Variants in MAP7 observed in about 807,000 individuals in gnomAD.
MAP7 encodes the protein microtubule associated protein 7, also known as ensconsin.
A neutral mutation model predicts 94.8 loss-of-function variants in MAP7; 52 were observed. The ratio of observed to expected loss-of-function variants is 0.55; its 90% CI spans 0.44 to 0.69. MAP7 has a LOEUF of 0.69. Ranked by LOEUF, MAP7 falls within the 30% of genes least tolerant of loss-of-function variation. MAP7 has a pLI of 0.00. For missense variants in MAP7, 940 were observed against 964.6 expected (o/e 0.97, Z 0.34); for synonymous variants, 350 against 357.0 (o/e 0.98, Z 0.22).
intron 2 of MAP7, among the ~76,000 whole-genome samples, chr6:136,420,757 T>C (rs540919831): frequency 6.0e-4 from 92 of 152,334 alleles, no homozygotes; most frequent in African/African-American, 2.2e-3. Context: ...TACTTGTTAT[T>C]GTCTTTCCTC....
At chr6:136,514,888 C>CA (rs1824362392) in intron 1 of MAP7, among the ~76,000 whole-genome samples, 2 of 152,296 alleles carry the variant, frequency 1.3e-5, no homozygotes, top group South Asian at 2.1e-4. Flanking sequence ...TCAATGATTG[C>CA]AATGACTCAG....
chr6:136,386,012 C>G (rs1779094892), intron 5 of MAP7, among the ~76,000 whole-genome samples: 1 of 152,150 alleles, frequency 6.6e-6, no homozygotes, highest in African/African-American at 2.4e-5. Context: ...CTCAGGTAAT[C>G]CACCCGCCTC....
chr6:136,519,600 T>C (rs1037906376), intron 1 of MAP7, among the ~76,000 whole-genome samples: 2 of 152,190 alleles, frequency 1.3e-5, no homozygotes, highest in Non-Finnish European at 2.9e-5. Context: ...TTATATTTCG[T>C]TTGGAAACCT....
chr6:136,542,708 T>C (rs554613522), intron 1 of MAP7, among the ~76,000 whole-genome samples: 2 of 148,864 alleles, frequency 1.3e-5, no homozygotes, highest in East Asian at 4.0e-4. Context: ...CAAGCAATGG[T>C]GTGTTAAAAT....
intron 6 of MAP7, 84 bp downstream of exon 6, chr6:136,383,587 G>T: frequency 5.4e-6 from 4 of 736,786 alleles, no homozygotes; most frequent in Non-Finnish European, 8.7e-6. Flanking sequence ...AGCAACTTCA[G>T]ATGCTTATTT....
intron 1 of MAP7, chr6:136,466,662 G>A: frequency 8.5e-7 from 1 of 1,173,350 alleles, no homozygotes; most frequent in South Asian, 1.6e-5. Context: ...ACTTCCACTT[G>A]TTATAAGTAT....
At chr6:136,440,256 G>A (rs2327731) in intron 1 of MAP7, among the ~76,000 whole-genome samples, 119,565 of 152,140 alleles carry the variant, frequency 0.79, 47,444 homozygotes, top group South Asian at 0.86. Context: ...TACTGAGGTT[G>A]AAGTCTTCCA....
chr6:136,407,860 C>T (rs1242664059), intron 3 of MAP7, among the ~76,000 whole-genome samples: 2 of 151,998 alleles, frequency 1.3e-5, no homozygotes, highest in Non-Finnish European at 2.9e-5. Flanking sequence ...TCAAAAATGA[C>T]GGAAATAAAT....
intron 1 of MAP7, among the ~76,000 whole-genome samples, chr6:136,514,811 T>A (rs1288965998): frequency 6.6e-6 from 1 of 152,148 alleles, no homozygotes; most frequent in Non-Finnish European, 1.5e-5. Context: ...ACAGAGTAGA[T>A]TTAGCATAAT....
intron 15 of MAP7, 88 bp downstream of exon 15, chr6:136,359,732 C>T: frequency 1.6e-6 from 2 of 1,269,846 alleles, no homozygotes; most frequent in African/African-American, 1.5e-5. Context: ...TCTTTTTTCC[C>T]TCCATCAATT....
At chr6:136,403,076 C>T (rs1395197831) in intron 3 of MAP7, among the ~76,000 whole-genome samples, 1 of 152,090 alleles carries the variant, frequency 6.6e-6, no homozygotes, top group East Asian at 1.9e-4. Context: ...AGCCTTAACC[C>T]TAAGTACTTT....
intron 1 of MAP7, among the ~76,000 whole-genome samples, chr6:136,531,671 G>A (rs1828482192): frequency 7.2e-6 from 1 of 138,304 alleles, no homozygotes; most frequent in South Asian, 2.1e-4. Flanking sequence ...GTAAAGAAAA[G>A]GGATCAAATG....
intron 10 of MAP7, 118 bp from the exon 11 acceptor site, chr6:136,362,820 G>T: frequency 7.0e-7 from 1 of 1,427,252 alleles, no homozygotes; most frequent in Non-Finnish European, 9.3e-7. Flanking sequence ...AAAAGGGAAT[G>T]TTTATTACTG....
intron 16 of MAP7, among the ~76,000 whole-genome samples, chr6:136,356,346 T>G (rs1279706617): frequency 1.3e-5 from 2 of 151,928 alleles, no homozygotes; most frequent in African/African-American, 4.8e-5. Context: ...TATTTTTTTT[T>G]GTAGAGATGG....
At chr6:136,515,026 T>G (rs1184533004) in intron 1 of MAP7, among the ~76,000 whole-genome samples, 1 of 152,234 alleles carries the variant, frequency 6.6e-6, no homozygotes, top group African/African-American at 2.4e-5. Flanking sequence ...CCATTGAAAC[T>G]CTGTTGTTTA....
intron 1 of MAP7, among the ~76,000 whole-genome samples, chr6:136,511,467 C>T (rs761140596): frequency 6.6e-6 from 1 of 150,624 alleles, no homozygotes; most frequent in Non-Finnish European, 1.5e-5. Flanking sequence ...TGTCTACCCA[C>T]AAAGAACCTG....
intron 1 of MAP7, among the ~76,000 whole-genome samples, chr6:136,502,922 GGTTGCCAGACCAGCA>G (rs1272871986): frequency 6.6e-6 from 1 of 152,024 alleles, no homozygotes; most frequent in Non-Finnish European, 1.5e-5. Context: ...GCAAAACTGA[GGTTGCCAGACCAGCA>G]GTCTGCAAGT....
At chr6:136,505,277 GTATATATATATA>G (rs56764706) in intron 1 of MAP7, among the ~76,000 whole-genome samples, 112 of 53,832 alleles carry the variant, frequency 2.1e-3, no homozygotes, top group Non-Finnish European at 2.3e-3. Context: ...GTGTGTGTGT[GTATATATATATA>G]TATATATATA....
intron 1 of MAP7, among the ~76,000 whole-genome samples, chr6:136,535,666 G>T (rs894169472): frequency 6.6e-6 from 1 of 150,540 alleles, no homozygotes; most frequent in African/African-American, 2.4e-5. Context: ...AAATTATAAA[G>T]ATATAAGATA....
Sources: gnomAD v4.1 joint callset for allele counts (sites outside exome capture counted in the v4.1 genomes callset) on GRCh38, gnomAD v4.1.1 for gene constraint, MANE v1.5 for transcripts, NCBI Gene and HGNC (gene_info 2026-07-23, HGNC 2026-07-21) for gene names.